CAP2: variants seen among roughly 807,000 people sequenced by gnomAD.
CAP2 encodes adenylyl cyclase-associated protein 2.
In CAP2, 24 loss-of-function variants were observed where a neutral mutation model predicts 57.7. The observed-to-expected ratio is 0.42, with a 90% confidence interval of 0.30 to 0.58. The LOEUF (loss-of-function observed/expected upper bound fraction) is 0.58. Ranked by LOEUF, CAP2 falls within the 20% of genes least tolerant of loss-of-function variation. CAP2 has a pLI of 0.22. For missense variants in CAP2, 501 were observed against 590.3 expected (o/e 0.85, Z 1.57); for synonymous variants, 194 against 207.2 (o/e 0.94, Z 0.55).
At chr6:17,423,416 C>T (rs1759497644) in intron 2 of CAP2, among the ~76,000 whole-genome samples, 1 of 152,140 alleles carries the variant, frequency 6.6e-6, no homozygotes, top group South Asian at 2.1e-4. Flanking sequence ...TTTTTGTTAA[C>T]TGTATACAAT....
chr6:17,546,596 G>A (rs1763053664), intron 11 of CAP2, among the ~76,000 whole-genome samples: 1 of 152,132 alleles, frequency 6.6e-6, no homozygotes, highest in South Asian at 2.1e-4. Context: ...TGCTTTTGGT[G>A]TTTTAGACAT....
intron 3 of CAP2, among the ~76,000 whole-genome samples, chr6:17,448,964 G>A (rs1048855921): frequency 6.6e-6 from 1 of 152,170 alleles, no homozygotes; most frequent in Non-Finnish European, 1.5e-5. Context: ...GTTTCACTAT[G>A]TTGGCCAGGC....
chr6:17,398,291 T>A (rs922249098), intron 1 of CAP2, among the ~76,000 whole-genome samples: 2 of 152,118 alleles, frequency 1.3e-5, no homozygotes, highest in African/African-American at 4.8e-5. Flanking sequence ...GTATTGTATA[T>A]CCTGCGGAGT....
At chr6:17,556,318 G>T (rs1394415578) in intron 12 of CAP2, 41 bp from the exon 13 acceptor site, 19 of 1,377,920 alleles carry the variant, frequency 1.4e-5, no homozygotes, top group Non-Finnish European at 1.9e-5. Flanking sequence ...AAATAACTTT[G>T]TTGTAGTTTA....
intron 2 of CAP2, 44 bp from the exon 3 acceptor site, chr6:17,426,546 T>G: frequency 6.9e-7 from 1 of 1,454,138 alleles, no homozygotes; most frequent in African/African-American, 1.4e-5. Context: ...GTCCCAGGTT[T>G]TCATTCAACG....
intron 1 of CAP2, among the ~76,000 whole-genome samples, chr6:17,408,860 G>A (rs1407566322): frequency 2.6e-5 from 4 of 151,090 alleles, no homozygotes; most frequent in Admixed American, 6.6e-5. Context: ...TAATAGAGAC[G>A]GGGTTTCACC....
intron 4 of CAP2, among the ~76,000 whole-genome samples, chr6:17,488,520 T>G (rs1006617979): frequency 6.6e-6 from 1 of 152,174 alleles, no homozygotes; most frequent in Non-Finnish European, 1.5e-5. Context: ...AAATTAGTCA[T>G]TTATTGTAAT....
intron 1 of CAP2, among the ~76,000 whole-genome samples, chr6:17,396,362 C>T (rs1464769943): frequency 9.2e-5 from 14 of 152,160 alleles, no homozygotes; most frequent in Admixed American, 9.2e-4. Context: ...TTGACAGCAA[C>T]ACCATTTATA....
chr6:17,530,018 C>T (rs560579171), intron 7 of CAP2, among the ~76,000 whole-genome samples: 151 of 151,622 alleles, frequency 1.0e-3, no homozygotes, highest in Non-Finnish European at 1.9e-3. Flanking sequence ...CATTGTTAGT[C>T]TCTATAGTTG....
chr6:17,458,837 A>G (rs1158415605), intron 3 of CAP2, among the ~76,000 whole-genome samples: 2 of 151,668 alleles, frequency 1.3e-5, no homozygotes, highest in African/African-American at 2.4e-5. Context: ...ATATAAACTC[A>G]TGACCAAATA....
chr6:17,423,230 A>G (rs2113534085), intron 2 of CAP2, among the ~76,000 whole-genome samples: 1 of 152,362 alleles, frequency 6.6e-6, no homozygotes, highest in Middle Eastern at 3.4e-3. Context: ...CCATGGGACA[A>G]AAATTACTGT....
chr6:17,435,477 A>G (rs1199232181), intron 3 of CAP2, among the ~76,000 whole-genome samples: 1 of 69,456 alleles, frequency 1.4e-5, no homozygotes, highest in Non-Finnish European at 2.8e-5. Context: ...TGGGAATTGA[A>G]CAATGAGATC....
chr6:17,514,090 G>A lies in CAP2; in HGVS notation c.636+136G>A, dbSNP rs114722047. The A allele has an allele frequency of 1.6e-3, 1,062 of 652,134 alleles. 9 individuals are homozygous for A. The African/African-American group carries it at 0.016, about 10-fold the overall frequency. 40.4% of individuals were successfully genotyped at this position (652,134 alleles called of 1,614,324 possible). A position where few individuals can be genotyped will look rare whatever the true frequency, so the allele number is the denominator to read the frequency against. ...TAAATGTCCATGTGGAGGGCCAGGCGCGGTGGCTCACGCCTGTAATCCCAG... is the reference window on the plus strand; with the variant it reads ...TAAATGTCCATGTGGAGGGCCAGGCACGGTGGCTCACGCCTGTAATCCCAG... On this transcript the variant is annotated intron_variant, in intron 7 of 12. Coordinates refer to ENST00000229922, the MANE Select transcript of CAP2 (RefSeq NM_006366.3).
chr6:17,443,058 C>T (rs1581523608), intron 3 of CAP2, among the ~76,000 whole-genome samples: 1 of 152,060 alleles, frequency 6.6e-6, no homozygotes. Context: ...TGAGAGTAAC[C>T]AGCAACTTTC....
chr6:17,509,464 G>A (rs546340285), intron 6 of CAP2, among the ~76,000 whole-genome samples: 17 of 152,232 alleles, frequency 1.1e-4, no homozygotes, highest in Non-Finnish European at 1.6e-4. Flanking sequence ...GATCACTTGA[G>A]GTCAGGAGTT....
Position 17,505,447 on chromosome 6 carries a change from G to A in CAP2, c.301-1722G>A, listed in dbSNP as rs145448789. 4.6e-5 allele frequency among the ~76,000 whole-genome samples: 7 copies of A among 152,180 alleles called. No homozygotes were observed. In the East Asian group the frequency reaches 5.8e-4, roughly 13 times the overall value. On this transcript the variant is annotated intron_variant, in intron 4 of 12. Transcript: ENST00000229922. Reference sequence around the variant, plus strand: ...AATCACCTGGGAAGCTTAAACAATCGCCCTGCCCTCACCCAGGCCACCCCC... The same window carrying A: ...AATCACCTGGGAAGCTTAAACAATCACCCTGCCCTCACCCAGGCCACCCCC...
intron 4 of CAP2, among the ~76,000 whole-genome samples, chr6:17,479,681 G>A (rs1209758611): frequency 9.6e-5 from 14 of 145,462 alleles, no homozygotes; most frequent in Admixed American, 2.1e-4. Context: ...GCACGATCTC[G>A]GCTCACTGCC....
Position 17,507,244 on chromosome 6 carries a change from G to A in CAP2, c.376G>A (p.Gly126Arg). 6.2e-7 allele frequency: 1 copy of A among 1,614,148 alleles called. No individual in the cohort carries two copies. Among genetic ancestry groups the A allele is most frequent in the Non-Finnish European group, 8.5e-7 (1 of 1,179,984 alleles). Residue 126 changes from glycine to arginine, a missense_variant, in exon 5 of 13, where the codon GGG (glycine) becomes AGG (arginine). Physicochemically the swap from Gly to Arg is moderately radical, Grantham distance 125. Coordinates refer to ENST00000229922, the MANE Select transcript of CAP2 (RefSeq NM_006366.3). The stretch of plus-strand genomic sequence containing the variant: ...CCAAACTTTCAGAGAGAGAAACCGG[G>A]GGAGTAACATGTTTAATCATCTTTC... ...EIQTFRERNR[G>R]SNMFNHLSAV...
chr6:17,454,659 T>C (rs987959386), intron 3 of CAP2, among the ~76,000 whole-genome samples: 5 of 152,246 alleles, frequency 3.3e-5, no homozygotes, highest in African/African-American at 1.2e-4. Flanking sequence ...TGCTCACTTG[T>C]CTTCTTCCAT....
Sources: gnomAD v4.1 joint callset for allele counts (sites outside exome capture counted in the v4.1 genomes callset) on GRCh38, gnomAD v4.1.1 for gene constraint, MANE v1.5 for transcripts, NCBI Gene and HGNC (gene_info 2026-07-23, HGNC 2026-07-21) for gene names.